Variants in CNTN4 observed in about 807,000 individuals in gnomAD.
The protein encoded by CNTN4 is contactin 4.
Under a neutral mutation model 122.5 loss-of-function variants are expected in CNTN4, and 77 were observed. The ratio of observed to expected loss-of-function variants is 0.63; its 90% CI spans 0.52 to 0.76. The LOEUF (loss-of-function observed/expected upper bound fraction) is 0.76. Ranked by LOEUF, CNTN4 falls within the 30% of genes least tolerant of loss-of-function variation. The pLI is 0.00. For missense variants in CNTN4, 1,256 were observed against 1,259.1 expected (o/e 1.00, Z 0.04); for synonymous variants, 512 against 447.0 (o/e 1.15, Z -1.83).
At chr3:2,369,553 C>G (rs1293314241) in intron 3 of CNTN4, among the ~76,000 whole-genome samples, 1 of 152,130 alleles carries the variant, frequency 6.6e-6, no homozygotes. Flanking sequence ...ACAAATGTTC[C>G]TAATTTTAGG....
chr3:2,532,400 A>C (rs970079818), intron 3 of CNTN4, among the ~76,000 whole-genome samples: 1 of 152,078 alleles, frequency 6.6e-6, no homozygotes, highest in African/African-American at 2.4e-5. Context: ...GACCACAGGC[A>C]TGCACCACCA....
intron 2 of CNTN4, among the ~76,000 whole-genome samples, chr3:2,209,209 T>C (rs1381146064): frequency 6.6e-6 from 1 of 152,180 alleles, no homozygotes; most frequent in Non-Finnish European, 1.5e-5. Flanking sequence ...AGTCCTCTGC[T>C]ATGTTCCTGT....
chr3:2,310,065 C>T (rs999061544), intron 2 of CNTN4, among the ~76,000 whole-genome samples: 1 of 152,114 alleles, frequency 6.6e-6, no homozygotes, highest in Admixed American at 6.6e-5. Context: ...CAAATTTTAT[C>T]AGACTCCAAT....
At chr3:2,332,297 G>C (rs549876087) in intron 2 of CNTN4, among the ~76,000 whole-genome samples, 11 of 152,238 alleles carry the variant, frequency 7.2e-5, no homozygotes, top group Admixed American at 2.0e-4. Flanking sequence ...GAATGTTTGA[G>C]ATGTATTCTC....
intron 6 of CNTN4, among the ~76,000 whole-genome samples, chr3:2,802,044 C>A (rs1482286994): frequency 6.6e-6 from 1 of 152,168 alleles, no homozygotes; most frequent in East Asian, 1.9e-4. Context: ...ATTACAACTA[C>A]TTCTAATTTT....
intron 6 of CNTN4, among the ~76,000 whole-genome samples, chr3:2,752,318 C>A (rs1227615559): frequency 6.6e-6 from 1 of 152,142 alleles, no homozygotes; most frequent in Non-Finnish European, 1.5e-5. Context: ...TGGGAACATG[C>A]AAAATTCTCT....
intron 14 of CNTN4, among the ~76,000 whole-genome samples, chr3:2,992,666 A>G (rs1418511963): frequency 2.6e-5 from 4 of 152,196 alleles, no homozygotes; most frequent in Non-Finnish European, 5.9e-5. Flanking sequence ...CAAGATAACT[A>G]TGTTAATAGC....
intron 4 of CNTN4, among the ~76,000 whole-genome samples, chr3:2,702,234 A>G (rs2086396616): frequency 6.6e-6 from 1 of 152,190 alleles, no homozygotes; most frequent in Admixed American, 6.5e-5. Flanking sequence ...CTGTGACAGC[A>G]CCCATAAGTG....
intron 13 of CNTN4, among the ~76,000 whole-genome samples, chr3:2,975,468 C>T (rs1693334064): frequency 6.6e-6 from 1 of 152,162 alleles, no homozygotes; most frequent in Non-Finnish European, 1.5e-5. Context: ...TAATGATACT[C>T]CTCAGAATTG....
chr3:2,476,591 A>G (rs1021237494), intron 3 of CNTN4, among the ~76,000 whole-genome samples: 5 of 152,192 alleles, frequency 3.3e-5, no homozygotes, highest in African/African-American at 1.2e-4. Context: ...CCATTTATAT[A>G]TGTCCAGGAA....
At chr3:2,572,785 C>T (rs1481952335) in intron 4 of CNTN4, among the ~76,000 whole-genome samples, 1 of 152,172 alleles carries the variant, frequency 6.6e-6, no homozygotes, top group Non-Finnish European at 1.5e-5. Flanking sequence ...AACAGACATG[C>T]TACTGCTCTC....
At chr3:2,886,972 C>A in intron 9 of CNTN4, 68 bp from the exon 10 acceptor site, 1 of 1,359,792 alleles carries the variant, frequency 7.4e-7, no homozygotes, top group Non-Finnish European at 1.0e-6. Flanking sequence ...AAGAAGGAAG[C>A]GTTTAGGTTC....
intron 3 of CNTN4, among the ~76,000 whole-genome samples, chr3:2,485,210 GCGCGGCCGGAGCCTC>G: frequency 3.3e-5 from 5 of 152,354 alleles, no homozygotes; most frequent in Admixed American, 3.3e-4. Context: ...GTGGGCTCCA[GCGCGGCCGGAGCCTC>G]CGCAGACAGC....
chr3:3,042,079 G>C (rs916450618), intron 20 of CNTN4, among the ~76,000 whole-genome samples: 7 of 152,226 alleles, frequency 4.6e-5, no homozygotes, highest in Non-Finnish European at 8.8e-5. Flanking sequence ...TTAAACTTAA[G>C]TGGTTCTTCT....
At chr3:3,005,355 C>G (rs1322151029) in intron 14 of CNTN4, among the ~76,000 whole-genome samples, 2 of 152,142 alleles carry the variant, frequency 1.3e-5, no homozygotes, top group Admixed American at 6.5e-5. Context: ...GATCATTTCT[C>G]TCTTCTCACA....
At chr3:2,457,374 A>G (rs2049041467) in intron 3 of CNTN4, among the ~76,000 whole-genome samples, 1 of 152,192 alleles carries the variant, frequency 6.6e-6, no homozygotes, top group African/African-American at 2.4e-5. Flanking sequence ...TGAAAATTAT[A>G]TAACAAACAA....
intron 2 of CNTN4, among the ~76,000 whole-genome samples, chr3:2,179,443 T>C (rs1424927809): frequency 6.6e-6 from 1 of 151,974 alleles, no homozygotes; most frequent in Non-Finnish European, 1.5e-5. Flanking sequence ...CCAATGAAGT[T>C]GAGATAATAA....
intron 4 of CNTN4, among the ~76,000 whole-genome samples, chr3:2,579,462 G>A (rs1044179040): frequency 2.0e-5 from 3 of 152,064 alleles, no homozygotes; most frequent in East Asian, 1.9e-4. Flanking sequence ...TATGGACTCC[G>A]AAATTACATA....
chr3:2,120,351 TTATATATATATATATATATATAAATA>T (rs1302471193), intron 2 of CNTN4, among the ~76,000 whole-genome samples: 8 of 45,976 alleles, frequency 1.7e-4, no homozygotes, highest in African/African-American at 4.0e-4. Flanking sequence ...GGCATTTAGG[TTATATATATATATATATATATAAATA>T]TATATATATA....
Sources: gnomAD v4.1 joint callset for allele counts (sites outside exome capture counted in the v4.1 genomes callset) on GRCh38, gnomAD v4.1.1 for gene constraint, MANE v1.5 for transcripts, NCBI Gene and HGNC (gene_info 2026-07-23, HGNC 2026-07-21) for gene names.